The following AUH variants were observed in gnomAD, a reference collection of about 807,000 sequenced individuals.
AUH encodes AU RNA binding methylglutaconyl-CoA hydratase.
AUH carries 29 observed loss-of-function variants against 42.3 expected under a neutral mutation model. The ratio of observed to expected loss-of-function variants is 0.69; its 90% CI spans 0.51 to 0.93. The LOEUF (loss-of-function observed/expected upper bound fraction) is 0.93. AUH is among the 40% of genes least tolerant of loss of function. AUH has a pLI of 0.00. For synonymous variants in AUH, 174 were observed against 166.4 expected (o/e 1.05, Z -0.35); for missense variants, 452 against 438.1 (o/e 1.03, Z -0.28).
chr9:91,325,235 G>A (rs1829885421), intron 4 of AUH, 83 bp downstream of exon 4: 1 of 1,063,814 alleles, frequency 9.4e-7, no homozygotes, highest in East Asian at 2.4e-5. Context: ...TTTAACCAAT[G>A]CTTATATATA....
intron 6 of AUH, among the ~76,000 whole-genome samples, chr9:91,274,618 T>C (rs1825403798): frequency 6.6e-6 from 1 of 152,120 alleles, no homozygotes. Context: ...AGAAAGTAAA[T>C]ATCAGATTGG....
intron 6 of AUH, among the ~76,000 whole-genome samples, chr9:91,271,252 C>T (rs2131508773): frequency 6.6e-6 from 1 of 152,272 alleles, no homozygotes; most frequent in East Asian, 1.9e-4. Context: ...TGCTTTACAA[C>T]AAATTCAATA....
Position 91,334,850 on chromosome 9 carries a change from C to T in AUH, c.419-9446G>A, listed in dbSNP as rs191489735. ...GTGGTGCCAATTCGAACACCCTGGT[C>T]TCTTGATCCCACTCCAAACAGGCTT... On this transcript the variant is annotated intron_variant, in intron 3 of 9. Transcript: ENST00000375731. Among the ~76,000 whole-genome samples, 234 of 152,304 alleles carry T rather than the reference C, an allele frequency of 1.5e-3. 2 individuals are homozygous for T. The highest frequency in any genetic ancestry group is 5.5e-3 in the African/African-American group (228 of 41,564).
At chr9:91,344,460 T>C (rs76287577) in intron 3 of AUH, among the ~76,000 whole-genome samples, 12,432 of 152,246 alleles carry the variant, frequency 0.082, 836 homozygotes, top group East Asian at 0.26. Context: ...CACATTCTCA[T>C]GATCTCCTGG....
chr9:91,289,582 T>G (rs1005047594), intron 6 of AUH, among the ~76,000 whole-genome samples: 8 of 152,226 alleles, frequency 5.3e-5, no homozygotes, highest in Non-Finnish European at 1.2e-4. Context: ...ACTGTGTCTA[T>G]TATAGAAAGC....
chr9:91,290,919 T>C (rs995410311), intron 6 of AUH, among the ~76,000 whole-genome samples: 2 of 152,188 alleles, frequency 1.3e-5, no homozygotes, highest in South Asian at 4.1e-4. Flanking sequence ...GCTGTATTCA[T>C]TGCTATAACA....
At chr9:91,357,330 GA>G (rs1387704593) in intron 1 of AUH, among the ~76,000 whole-genome samples, 1 of 152,204 alleles carries the variant, frequency 6.6e-6, no homozygotes, top group East Asian at 1.9e-4. Context: ...GAGACTTGGA[GA>G]GGTGAAGTAA....
At chr9:91,227,408 C>T (rs2131264937) in intron 6 of AUH, among the ~76,000 whole-genome samples, 1 of 122,508 alleles carries the variant, frequency 8.2e-6, no homozygotes, top group South Asian at 3.2e-4. Context: ...ATTTTGTATC[C>T]TGAGACTTTG....
At chr9:91,242,844 G>A (rs1471743780) in intron 6 of AUH, among the ~76,000 whole-genome samples, 2 of 152,194 alleles carry the variant, frequency 1.3e-5, no homozygotes, top group African/African-American at 4.8e-5. Flanking sequence ...GAAATAATAT[G>A]TGAAAATATT....
chr9:91,263,591 T>C (rs1378145823), intron 6 of AUH, among the ~76,000 whole-genome samples: 1 of 152,204 alleles, frequency 6.6e-6, no homozygotes, highest in Non-Finnish European at 1.5e-5. Flanking sequence ...TTTAAGTGTT[T>C]TGTTTTCTCA....
chr9:91,272,109 TTG>T (rs1825185715), intron 6 of AUH, among the ~76,000 whole-genome samples: 1 of 152,238 alleles, frequency 6.6e-6, no homozygotes. Context: ...CCCCTGGAAA[TTG>T]TGTTATTCTA....
intron 3 of AUH, among the ~76,000 whole-genome samples, chr9:91,339,303 C>T (rs1245707640): frequency 6.6e-6 from 1 of 152,180 alleles, no homozygotes; most frequent in African/African-American, 2.4e-5. Context: ...ATCGCTAAGT[C>T]AAACCATCAT....
At chr9:91,330,800 T>C (rs918613949) in intron 3 of AUH, among the ~76,000 whole-genome samples, 20 of 152,170 alleles carry the variant, frequency 1.3e-4, no homozygotes, top group Admixed American at 4.6e-4. Context: ...ATGGAAGAGA[T>C]CAGCCTGCAA....
At chr9:91,283,907 A>G (rs1228458716) in intron 6 of AUH, among the ~76,000 whole-genome samples, 1 of 152,098 alleles carries the variant, frequency 6.6e-6, no homozygotes, top group African/African-American at 2.4e-5. Context: ...TATAGATTCA[A>G]TGCCATCCCC....
intron 6 of AUH, among the ~76,000 whole-genome samples, chr9:91,239,414 A>AC (rs1176274359): frequency 2.0e-5 from 3 of 152,304 alleles, no homozygotes; most frequent in Admixed American, 2.0e-4. Flanking sequence ...ATGGGAGGAA[A>AC]CACTGCAGTA....
Position 91,269,340 on chromosome 9 carries a change from T to C in AUH, c.655+26681A>G, listed in dbSNP as rs145394375. Among the ~76,000 whole-genome samples, 397 of 152,304 alleles carry C rather than the reference T, an allele frequency of 2.6e-3. 2 individuals carry two copies. The highest frequency in any genetic ancestry group is 8.5e-3 in the African/African-American group (355 of 41,568). ...TCTTCATGAACTCCCTCATAAAACATAGATTAATTCACAGAAACACTTACG... is the reference window on the plus strand; with the variant it reads ...TCTTCATGAACTCCCTCATAAAACACAGATTAATTCACAGAAACACTTACG... On this transcript the variant is annotated intron_variant, in intron 6 of 9. Transcript: ENST00000375731.
chr9:91,214,383 T>C lies in AUH; in HGVS notation c.985A>G (p.Lys329Glu). Residue 329 changes from lysine (K) to glutamate (E), a missense_variant, in exon 10 of 10, where the codon AAA becomes GAA. Lys to Glu is a moderately conservative substitution (Grantham distance 56). Transcript: ENST00000375731. ...TTATAGCGAGGGGGCCTTTTCTCTT[T>C]AAAAGCAAGAAGACCTTCAAGTCTG... is the stretch of plus-strand genomic sequence containing the variant. Reference protein sequence around the residue: ...KDRLEGLLAFKEKRPPRYKGE With the variant: ...KDRLEGLLAFEEKRPPRYKGE 2.5e-6 allele frequency: 4 copies of C among 1,610,654 alleles called. No individual in the cohort carries two copies. The highest frequency in any genetic ancestry group is 1.3e-5 in the African/African-American group (1 of 74,988).
intron 7 of AUH, among the ~76,000 whole-genome samples, chr9:91,219,685 ACCAGAAGCATCAATG>A (rs1385506568): frequency 6.6e-6 from 1 of 152,202 alleles, no homozygotes; most frequent in East Asian, 1.9e-4. Flanking sequence ...ATTAAGAAGG[ACCAGAAGCATCAATG>A]CCAGGCAGTG....
chr9:91,358,607 T>A (rs1832616272), intron 1 of AUH, among the ~76,000 whole-genome samples: 1 of 152,198 alleles, frequency 6.6e-6, no homozygotes, highest in Admixed American at 6.5e-5. Flanking sequence ...AGGACCCAAT[T>A]AACCTCCCTT....
Sources: gnomAD v4.1 joint callset for allele counts (sites outside exome capture counted in the v4.1 genomes callset) on GRCh38, gnomAD v4.1.1 for gene constraint, MANE v1.5 for transcripts, NCBI Gene and HGNC (gene_info 2026-07-23, HGNC 2026-07-21) for gene names.